TMEM117: variants seen among roughly 807,000 people sequenced by gnomAD.
TMEM117 encodes the protein transmembrane protein 117.
TMEM117 carries 27 observed loss-of-function variants against 52.4 expected under a neutral mutation model. That is an observed-to-expected ratio of 0.51 (90% confidence interval 0.38 to 0.71). The LOEUF (loss-of-function observed/expected upper bound fraction) is 0.71. TMEM117 is among the 30% of genes least tolerant of loss of function. TMEM117 has a pLI of 0.00. For missense variants in TMEM117, 556 were observed against 630.5 expected (o/e 0.88, Z 1.26); for synonymous variants, 215 against 206.3 (o/e 1.04, Z -0.36).
chr12:44,201,170 AT>A (rs1469516778), intron 4 of TMEM117, among the ~76,000 whole-genome samples: 1 of 152,182 alleles, frequency 6.6e-6, no homozygotes, highest in Non-Finnish European at 1.5e-5. Context: ...TTCAGAGAGG[AT>A]GATGTGAGAC....
At chr12:44,186,505 A>G (rs1326241676) in intron 4 of TMEM117, among the ~76,000 whole-genome samples, 5 of 152,154 alleles carry the variant, frequency 3.3e-5, no homozygotes, top group African/African-American at 9.6e-5. Context: ...AAACATCTCC[A>G]TATGTTGTGT....
At chr12:44,118,177 AAAAGCTTTTTAAAT>A (rs1471763685) in intron 3 of TMEM117, among the ~76,000 whole-genome samples, 1 of 152,182 alleles carries the variant, frequency 6.6e-6, no homozygotes, top group Non-Finnish European at 1.5e-5. Flanking sequence ...TTCATGGTTA[AAAAGCTTTTTAAAT>A]GAAGAAAGAC....
At chr12:44,096,734 C>A (rs1399409370) in intron 3 of TMEM117, among the ~76,000 whole-genome samples, 2 of 151,102 alleles carry the variant, frequency 1.3e-5, no homozygotes, top group African/African-American at 2.4e-5. Flanking sequence ...TAAAGACTTA[C>A]ATGTTAGACC....
At chr12:44,278,221 C>T (rs1363891683) in intron 5 of TMEM117, among the ~76,000 whole-genome samples, 1 of 152,110 alleles carries the variant, frequency 6.6e-6, no homozygotes, top group African/African-American at 2.4e-5. Context: ...GATGCCTCAT[C>T]ATATTCATAG....
At chr12:44,346,955 A>G (rs926073411) in intron 6 of TMEM117, among the ~76,000 whole-genome samples, 4 of 152,090 alleles carry the variant, frequency 2.6e-5, no homozygotes, top group South Asian at 2.1e-4. Flanking sequence ...TTCTAGGCCA[A>G]TGAATTAGTT....
rs569706492 is a variant in TMEM117 at position 44,169,451 on chromosome 12, G to C, written c.510+25827G>C. Among the ~76,000 whole-genome samples, 22 of 152,210 alleles carry C rather than the reference G, an allele frequency of 1.4e-4. No individual in the cohort carries two copies. In the East Asian group the frequency reaches 3.5e-3, roughly 24 times the overall value. Reference sequence around the variant, plus strand: ...TTGCATTTCTCTAAAGATTAGTGATGGTTAAGTATCTTTTCATGTACTTAT... The same window carrying C: ...TTGCATTTCTCTAAAGATTAGTGATCGTTAAGTATCTTTTCATGTACTTAT... On this transcript the variant is annotated intron_variant, in intron 4 of 7. Coordinates refer to ENST00000266534, the MANE Select transcript of TMEM117 (RefSeq NM_032256.3).
intron 6 of TMEM117, among the ~76,000 whole-genome samples, chr12:44,334,459 G>A (rs1249747371): frequency 6.6e-6 from 1 of 151,992 alleles, no homozygotes; most frequent in Non-Finnish European, 1.5e-5. Context: ...TCTTGAAAAG[G>A]CATGGTGCAG....
intron 1 of TMEM117, among the ~76,000 whole-genome samples, chr12:43,843,074 G>C (rs1385069434): frequency 6.6e-6 from 1 of 152,116 alleles, no homozygotes; most frequent in Non-Finnish European, 1.5e-5. Flanking sequence ...AGTATTTCAG[G>C]GGGTTGTTAT....
chr12:44,223,470 A>G (rs940230732), intron 5 of TMEM117, among the ~76,000 whole-genome samples: 17 of 150,456 alleles, frequency 1.1e-4, no homozygotes, highest in Admixed American at 3.3e-4. Flanking sequence ...TTCTACCTAG[A>G]TCATCATTTG....
intron 5 of TMEM117, among the ~76,000 whole-genome samples, chr12:44,217,134 A>G (rs1238117806): frequency 6.6e-6 from 1 of 152,226 alleles, no homozygotes; most frequent in African/African-American, 2.4e-5. Context: ...AAAATACAAT[A>G]AGGTAATAAA....
At chr12:43,799,555 G>C in the TMEM117 span, 1 of 1,068,566 alleles carries the variant, frequency 9.4e-7, no homozygotes, top group African/African-American at 1.6e-5. Flanking sequence ...TAAAATGACA[G>C]TGAAGTTACT....
At chr12:43,961,198 A>G (rs1945397032) in intron 3 of TMEM117, among the ~76,000 whole-genome samples, 1 of 152,206 alleles carries the variant, frequency 6.6e-6, no homozygotes, top group South Asian at 2.1e-4. Flanking sequence ...GATAAATATT[A>G]GTAGCTATTA....
chr12:44,328,679 C>T (rs1467618559), intron 6 of TMEM117, among the ~76,000 whole-genome samples: 1 of 151,976 alleles, frequency 6.6e-6, no homozygotes, highest in Non-Finnish European at 1.5e-5. Flanking sequence ...TCTTTTTCTA[C>T]CATTTCAATT....
intron 3 of TMEM117, among the ~76,000 whole-genome samples, chr12:44,059,376 C>A (rs1210413578): frequency 6.6e-6 from 1 of 152,112 alleles, no homozygotes; most frequent in Non-Finnish European, 1.5e-5. Context: ...AATTATATAT[C>A]ACTTTTTTCC....
chr12:44,111,779 G>T (rs922890843), intron 3 of TMEM117, among the ~76,000 whole-genome samples: 47 of 142,918 alleles, frequency 3.3e-4, no homozygotes, highest in Admixed American at 3.2e-3. Context: ...TTTCTGTCTT[G>T]TTGATCTGTC....
intron 6 of TMEM117, among the ~76,000 whole-genome samples, chr12:44,343,729 T>C (rs1951447483): frequency 6.6e-6 from 1 of 152,180 alleles, no homozygotes; most frequent in South Asian, 2.1e-4. Flanking sequence ...ATGTTGTGTG[T>C]ATTTTATCAC....
intron 3 of TMEM117, among the ~76,000 whole-genome samples, chr12:43,950,535 A>ATTT (rs760143366): frequency 2.8e-5 from 2 of 72,520 alleles, no homozygotes; most frequent in Non-Finnish European, 6.8e-5. Flanking sequence ...GCTCTGAACT[A>ATTT]TTTTTTTTTT....
rs2138877560 is a variant in TMEM117, at chr12:44,388,241, A to G, written c.1114A>G (p.Lys372Glu). 1.2e-6 allele frequency: 2 copies of G among 1,613,598 alleles called. No homozygotes were observed. Among genetic ancestry groups the G allele is most frequent in the Non-Finnish European group, 1.7e-6 (2 of 1,179,662 alleles). The change falls in exon 8 of 8, where the codon AAA becomes GAA. Residue 372 changes from lysine to glutamate, a missense_variant. This residue lies in a region of TMEM117 where 206 missense variants were observed against 211.1 expected (regional missense o/e 0.98). Coordinates refer to ENST00000266534, the MANE Select transcript of TMEM117 (RefSeq NM_032256.3). ...RSNHTNPRTN[K>E]TYVEGDMFLH... ...CAATCACACTAACCCTCGGACTAATAAAACATATGTTGAGGGAGACATGTT... is the reference window on the plus strand; with the variant it reads ...CAATCACACTAACCCTCGGACTAATGAAACATATGTTGAGGGAGACATGTT...
At chr12:44,279,463 A>AAT (rs1950552115) in intron 5 of TMEM117, among the ~76,000 whole-genome samples, 1 of 152,088 alleles carries the variant, frequency 6.6e-6, no homozygotes, top group South Asian at 2.1e-4. Context: ...TTACAAGGAA[A>AAT]ATATCTGAAA....
Sources: gnomAD v4.1 joint callset for allele counts (sites outside exome capture counted in the v4.1 genomes callset) on GRCh38, gnomAD v4.1.1 for gene constraint, gnomAD v4.1.1 regional missense constraint, MANE v1.5 for transcripts, NCBI Gene and HGNC (gene_info 2026-07-23, HGNC 2026-07-21) for gene names.